The following LRRC8D variants were observed in gnomAD, a reference collection of about 807,000 sequenced individuals.
LRRC8D encodes the protein leucine rich repeat containing 8 VRAC subunit D.
LRRC8D carries 20 observed loss-of-function variants against 55.8 expected under a neutral mutation model. That is an observed-to-expected ratio of 0.36 (90% confidence interval 0.25 to 0.52). The LOEUF (loss-of-function observed/expected upper bound fraction) is 0.52. Ranked by LOEUF, LRRC8D falls within the 20% of genes least tolerant of loss-of-function variation. LRRC8D has a pLI of 0.93. For missense variants in LRRC8D, 651 were observed against 1,030.8 expected (o/e 0.63, Z 5.05); for synonymous variants, 352 against 377.0 (o/e 0.93, Z 0.77).
At chr1:89,840,594 C>A (rs1385265526) in intron 1 of LRRC8D, among the ~76,000 whole-genome samples, 2 of 152,144 alleles carry the variant, frequency 1.3e-5, no homozygotes, top group Non-Finnish European at 2.9e-5. Context: ...TAGTCTCCCA[C>A]CAAATGCTCT....
intron 2 of LRRC8D, among the ~76,000 whole-genome samples, chr1:89,872,500 A>G (rs950540098): frequency 6.6e-6 from 1 of 152,224 alleles, no homozygotes; most frequent in Admixed American, 6.5e-5. Flanking sequence ...GAACCAACCC[A>G]GTCATATTCT....
At chr1:89,916,175 T>A (rs1557482484) in intron 2 of LRRC8D, among the ~76,000 whole-genome samples, 1 of 152,350 alleles carries the variant, frequency 6.6e-6, no homozygotes, top group Middle Eastern at 3.4e-3. Flanking sequence ...TTCTGCCAGT[T>A]AAGATAATTT....
At chr1:89,910,952 C>A (rs1663119842) in intron 2 of LRRC8D, among the ~76,000 whole-genome samples, 1 of 152,130 alleles carries the variant, frequency 6.6e-6, no homozygotes, top group Non-Finnish European at 1.5e-5. Context: ...TCCCTGTATA[C>A]CATGGTCAAG....
chr1:89,838,906 T>A (rs1661066773), intron 1 of LRRC8D, among the ~76,000 whole-genome samples: 1 of 152,224 alleles, frequency 6.6e-6, no homozygotes, highest in African/African-American at 2.4e-5. Flanking sequence ...GTTGACCTAT[T>A]ACAAAATACA....
chr1:89,847,561 C>T (rs189305367), intron 2 of LRRC8D, among the ~76,000 whole-genome samples: 27 of 151,970 alleles, frequency 1.8e-4, no homozygotes, highest in Admixed American at 5.2e-4. Context: ...ATGTTAAATG[C>T]CAAGGAAAAG....
At chr1:89,841,367 C>T (rs983829827) in intron 1 of LRRC8D, among the ~76,000 whole-genome samples, 6 of 150,178 alleles carry the variant, frequency 4.0e-5, no homozygotes, top group African/African-American at 1.2e-4. Context: ...TGTAGTTCAT[C>T]GTCTGGAGGC....
intron 1 of LRRC8D, among the ~76,000 whole-genome samples, chr1:89,830,999 G>A (rs1014907015): frequency 1.3e-5 from 2 of 149,328 alleles, no homozygotes; most frequent in South Asian, 2.1e-4. Context: ...TCCGCCTCCC[G>A]GGTTCAAGCG....
chr1:89,844,778 C>T (rs1661231346), intron 2 of LRRC8D, among the ~76,000 whole-genome samples: 2 of 152,178 alleles, frequency 1.3e-5, no homozygotes, highest in African/African-American at 4.8e-5. Flanking sequence ...AAAGCCTAGC[C>T]TTGTTTTACC....
At chr1:89,924,670 C>T (rs976792177) in intron 2 of LRRC8D, among the ~76,000 whole-genome samples, 11 of 152,022 alleles carry the variant, frequency 7.2e-5, no homozygotes, top group South Asian at 2.1e-4. Context: ...CCAAGATGCC[C>T]GTTGACAGTG....
Position 89,933,395 on chromosome 1 carries a change from A to G in LRRC8D, c.327A>G (p.Ile109Met). Residue 109 changes from isoleucine (I) to methionine (M), a missense_variant, in exon 3 of 3, where the codon ATA becomes ATG. Around this residue, in one of 5 missense-constraint regions of LRRC8D, gnomAD observed 118 missense variants for 138.0 expected, o/e 0.85. Coordinates refer to ENST00000337338, the MANE Select transcript of LRRC8D (RefSeq NM_001134479.2). The surrounding 1 kb of genome is among the most constrained non-coding windows in gnomAD (Gnocchi z 7.0). Reference protein sequence around the residue: ...SFGTSAVTPDIPLRATYPRTD... With the variant: ...SFGTSAVTPDMPLRATYPRTD... ...GGACATCTGCTGTGACACCTGACATACCTCTCAGAGCCACATATCCTCGCA... is the reference window on the plus strand; with the variant it reads ...GGACATCTGCTGTGACACCTGACATGCCTCTCAGAGCCACATATCCTCGCA... 6.2e-7 allele frequency: 1 copy of G among 1,614,120 alleles called. No homozygotes were observed. The highest frequency in any genetic ancestry group is 1.1e-5 in the South Asian group (1 of 91,080).
chr1:89,847,840 A>G (rs1193746240), intron 2 of LRRC8D, among the ~76,000 whole-genome samples: 4 of 152,228 alleles, frequency 2.6e-5, no homozygotes, highest in African/African-American at 7.2e-5. Context: ...TCAGCCAAGT[A>G]TATATTGCAA....
chr1:89,875,874 G>C (rs1483565419), intron 2 of LRRC8D, among the ~76,000 whole-genome samples: 1 of 152,152 alleles, frequency 6.6e-6, no homozygotes, highest in African/African-American at 2.4e-5. Flanking sequence ...ACTTCCGCAA[G>C]GTCACAGCTA....
chr1:89,830,413 A>C (rs1660859529), intron 1 of LRRC8D, among the ~76,000 whole-genome samples: 1 of 152,172 alleles, frequency 6.6e-6, no homozygotes, highest in African/African-American at 2.4e-5. Context: ...TTCAATTCCA[A>C]AATAGTTTCT....
At chr1:89,857,901 A>G (rs1661597815) in intron 2 of LRRC8D, among the ~76,000 whole-genome samples, 2 of 152,230 alleles carry the variant, frequency 1.3e-5, no homozygotes, top group Admixed American at 1.3e-4. Context: ...TCAAAAAATA[A>G]TGAGTAGGAT....
intron 1 of LRRC8D, among the ~76,000 whole-genome samples, chr1:89,828,897 G>A (rs4658330): frequency 0.98 from 149,540 of 152,276 alleles, 73,471 homozygotes; most frequent in Middle Eastern, 1. Flanking sequence ...AACGAGTTCT[G>A]CAGAACAAGG....
intron 2 of LRRC8D, among the ~76,000 whole-genome samples, chr1:89,865,359 T>TATATATAC (rs1491467755): frequency 2.1e-5 from 3 of 143,714 alleles, no homozygotes; most frequent in African/African-American, 7.7e-5. Flanking sequence ...TATATATATA[T>TATATATAC]ACTTTCTGTG....
At chr1:89,837,814 G>A (rs550026635) in intron 1 of LRRC8D, among the ~76,000 whole-genome samples, 1 of 152,278 alleles carries the variant, frequency 6.6e-6, no homozygotes, top group South Asian at 2.1e-4. Context: ...TACAGGCAAA[G>A]GAAAGGAGAT....
At chr1:89,882,176 G>T (rs1260067410) in intron 2 of LRRC8D, among the ~76,000 whole-genome samples, 2 of 152,224 alleles carry the variant, frequency 1.3e-5, no homozygotes, top group East Asian at 3.8e-4. Flanking sequence ...TGAGAAACAA[G>T]TTCCTGTAGA....
At chr1:89,852,974 G>A (rs188058451) in intron 2 of LRRC8D, among the ~76,000 whole-genome samples, 3 of 152,292 alleles carry the variant, frequency 2.0e-5, no homozygotes, top group East Asian at 3.9e-4. Context: ...TGACAGCATT[G>A]TGGAGTCATT....
Sources: allele counts gnomAD v4.1 joint callset (sites outside exome capture counted in the v4.1 genomes callset), GRCh38; gene constraint gnomAD v4.1.1; regional missense constraint gnomAD v4.1.1; non-coding constraint Gnocchi (gnomAD v3.1); transcripts MANE v1.5; gene names NCBI Gene and HGNC (gene_info 2026-07-23, HGNC 2026-07-21).